Variants in EDC3 observed in about 807,000 individuals in gnomAD.
EDC3 encodes enhancer of mRNA decapping 3, also known as enhancer of mRNA-decapping protein 3.
In EDC3, 20 loss-of-function variants were observed where a neutral mutation model predicts 41.8. The observed-to-expected ratio is 0.48, with a 90% confidence interval of 0.34 to 0.70. The LOEUF is 0.70. Ranked by LOEUF, EDC3 falls within the 30% of genes least tolerant of loss-of-function variation. The pLI is 0.01. For synonymous variants in EDC3, 206 were observed against 243.2 expected (o/e 0.85, Z 1.42); for missense variants, 444 against 636.8 (o/e 0.70, Z 3.26).
At chr15:74,670,001 G>A (rs1304035659) in intron 3 of EDC3, among the ~76,000 whole-genome samples, 1 of 145,058 alleles carries the variant, frequency 6.9e-6, no homozygotes, top group South Asian at 2.2e-4. Flanking sequence ...ACGCTGCCAC[G>A]CCCAGCTAAT....
chr15:74,635,296 C>T (rs1209822235), intron 6 of EDC3, 113 bp downstream of exon 6: 1 of 970,198 alleles, frequency 1.0e-6, no homozygotes, highest in Non-Finnish European at 1.6e-6. Flanking sequence ...AGGCGAAGCA[C>T]CATCCTTACA....
chr15:74,641,959 A>T (rs915886047), intron 4 of EDC3: 2 of 152,284 alleles, frequency 1.3e-5, no homozygotes, highest in Non-Finnish European at 2.9e-5. Context: ...TTTTCAGTAC[A>T]TTTATCTCCT....
At chr15:74,684,632 AC>A (rs1266248270) in intron 1 of EDC3, among the ~76,000 whole-genome samples, 2 of 147,164 alleles carry the variant, frequency 1.4e-5, no homozygotes, top group Admixed American at 6.8e-5. Flanking sequence ...AAAAAAAAAA[AC>A]CCAGAAAGTT....
At chr15:74,645,621 A>G (rs1362222613) in intron 4 of EDC3, among the ~76,000 whole-genome samples, 4 of 145,766 alleles carry the variant, frequency 2.7e-5, no homozygotes, top group Non-Finnish European at 1.5e-5. Context: ...TAATCCCAGC[A>G]CTTTGGGAAG....
At chr15:74,650,253 C>G (rs2062465336) in intron 4 of EDC3, among the ~76,000 whole-genome samples, 2 of 152,194 alleles carry the variant, frequency 1.3e-5, no homozygotes, top group African/African-American at 4.8e-5. Context: ...ACAAGGATAG[C>G]ACTGGCACAC....
At position 74,635,546 on chromosome 15, in the gene EDC3, C is replaced by G; in HGVS notation, c.1055G>C (p.Ser352Thr). ...GPHVKGAQGI[S>T]CGRHLANHDV... ...ATGGTTGGCTAGGTGCCTTCCACAG[C>G]TGATACCCTGAGCCCCCTTCACATG... Residue 352 changes from serine to threonine, a missense_variant, in exon 6 of 7, where the codon AGC becomes ACC. Transcript: ENST00000315127. 2 of 1,614,272 alleles carry G rather than the reference C, an allele frequency of 1.2e-6. No homozygotes were observed. Among genetic ancestry groups the G allele is most frequent in the Non-Finnish European group, 1.7e-6 (2 of 1,180,052 alleles).
At chr15:74,672,344 A>C (rs2062749820) in intron 2 of EDC3, among the ~76,000 whole-genome samples, 1 of 151,618 alleles carries the variant, frequency 6.6e-6, no homozygotes, top group Non-Finnish European at 1.5e-5. Flanking sequence ...ACAATGTTTA[A>C]TGGCTTTTGT....
intron 4 of EDC3, 37 bp from the exon 5 acceptor site, chr15:74,640,656 T>G (rs749058163): frequency 6.2e-7 from 1 of 1,613,388 alleles, no homozygotes; most frequent in South Asian, 1.1e-5. Flanking sequence ...GGAAAGTGAC[T>G]ACAGAAACCA....
chr15:74,672,952 C>T (rs184137279), intron 2 of EDC3, among the ~76,000 whole-genome samples: 70 of 151,916 alleles, frequency 4.6e-4, no homozygotes, highest in Middle Eastern at 3.4e-3. Context: ...CTGGCCAGGG[C>T]AGGGGGAATG....
intron 1 of EDC3, among the ~76,000 whole-genome samples, chr15:74,693,482 C>G (rs2063031252): frequency 6.6e-6 from 1 of 152,134 alleles, no homozygotes; most frequent in Admixed American, 6.6e-5. Context: ...ACAAAGGCAC[C>G]AAATCCAATA....
intron 1 of EDC3, among the ~76,000 whole-genome samples, chr15:74,690,813 A>G (rs1041472078): frequency 2.6e-5 from 4 of 152,090 alleles, no homozygotes; most frequent in African/African-American, 9.7e-5. Flanking sequence ...GAAATCCAGC[A>G]CAATCCCCTA....
intron 4 of EDC3, among the ~76,000 whole-genome samples, 165 bp downstream of exon 4, chr15:74,655,568 T>C (rs775932759): frequency 6.6e-5 from 10 of 152,214 alleles, no homozygotes; most frequent in Non-Finnish European, 1.2e-4. Context: ...GGCAGAATGC[T>C]GTTATTGGCT....
intron 1 of EDC3, chr15:74,687,149 TCAAGACCAGGCTGGGCAACACAG>T (rs1254278957): frequency 6.6e-6 from 1 of 151,708 alleles, no homozygotes; most frequent in Non-Finnish European, 1.5e-5. Context: ...GTCCAGGAAT[TCAAGACCAGGCTGGGCAACACAG>T]CAAGACCCTG....
intron 1 of EDC3, among the ~76,000 whole-genome samples, chr15:74,693,421 G>C (rs2063030644): frequency 6.6e-6 from 1 of 152,108 alleles, no homozygotes; most frequent in South Asian, 2.1e-4. Context: ...ATTATATTGA[G>C]ATCTTTTCCC....
rs747591587 is a variant in EDC3, at chr15:74,671,646, T to C, written c.293A>G (p.Asn98Ser). Residue 98 changes from asparagine to serine, a missense_variant, in exon 3 of 7, where the codon AAT becomes AGT. Coordinates refer to ENST00000315127, the MANE Select transcript of EDC3 (RefSeq NM_025083.5). The surrounding 1 kb of genome is among the most constrained non-coding windows in gnomAD (Gnocchi z 4.6). ...CTTCTTGACAAACTTGCCTGTGCCA[T>C]TCTGATTGATGCCCACTTGGCAGCC... ...GAGCQVGINQ[N>S]GTGKFVKKPA... 9.3e-6 allele frequency: 15 copies of C among 1,614,042 alleles called. No homozygotes were observed. The highest frequency in any genetic ancestry group is 1.2e-5 in the Non-Finnish European group (14 of 1,180,044).
intron 3 of EDC3, among the ~76,000 whole-genome samples, chr15:74,657,166 A>G (rs1440604090): frequency 2.0e-5 from 3 of 152,216 alleles, no homozygotes; most frequent in Non-Finnish European, 4.4e-5. Context: ...AGGCCCACTG[A>G]GCTGTTAACA....
rs1394919670 is a variant in EDC3 at position 74,666,889 on chromosome 15, A to G, written c.484+4566T>C. 2.0e-5 allele frequency among the ~76,000 whole-genome samples: 3 copies of G among 152,342 alleles called. No individual in the cohort carries two copies. In the East Asian group the frequency reaches 5.8e-4, roughly 29 times the overall value. The stretch of plus-strand genomic sequence containing the variant: ...GTTAGAAGATCCCAGGATGGAATGC[A>G]GAATGTGATAAAACAAATTAATTGT... On this transcript the variant is annotated intron_variant, in intron 3 of 6. Coordinates refer to ENST00000315127, the MANE Select transcript of EDC3 (RefSeq NM_025083.5).
intron 4 of EDC3, among the ~76,000 whole-genome samples, chr15:74,651,175 C>G (rs141774785): frequency 1.3e-5 from 2 of 152,110 alleles, no homozygotes; most frequent in African/African-American, 2.4e-5. Flanking sequence ...AACACATGCA[C>G]GTAGAATCAG....
intron 2 of EDC3, among the ~76,000 whole-genome samples, chr15:74,672,259 ACT>A (rs2062748007): frequency 9.5e-6 from 1 of 104,828 alleles, no homozygotes; most frequent in African/African-American, 3.9e-5. Flanking sequence ...ACAGAGCGAG[ACT>A]CTGTCTCAAA....
Sources: gnomAD v4.1 joint callset for allele counts (sites outside exome capture counted in the v4.1 genomes callset) on GRCh38, gnomAD v4.1.1 for gene constraint, Gnocchi (gnomAD v3.1) non-coding constraint, MANE v1.5 for transcripts, NCBI Gene and HGNC (gene_info 2026-07-23, HGNC 2026-07-21) for gene names.